Variants in CIMAP1D observed in about 807,000 individuals in gnomAD.
CIMAP1D encodes CIMAP1 family member D, also known as protein CIMAP1D.
chr19:466,184 ATGGGTGG>A, the CIMAP1D span, among the ~76,000 whole-genome samples: 4 of 79,110 alleles, frequency 5.1e-5, no homozygotes, highest in East Asian at 4.6e-4. Context: ...TGGTAGATGG[ATGGGTGG>A]ATAGATGGAT....
the CIMAP1D span, among the ~76,000 whole-genome samples, chr19:480,680 G>A: frequency 1.3e-5 from 2 of 150,534 alleles, no homozygotes; most frequent in Non-Finnish European, 3.0e-5. Context: ...AAGGATGATG[G>A]AGAACGATGA....
the CIMAP1D span, among the ~76,000 whole-genome samples, chr19:481,279 T>TATGATGGGAAGG: frequency 2.0e-3 from 134 of 66,332 alleles, 2 homozygotes; most frequent in African/African-American, 8.0e-3. Flanking sequence ...GATGGGAAAG[T>TATGATGGGAAGG]ATGATGGGAA....
chr19:488,031 C>T, the CIMAP1D span, among the ~76,000 whole-genome samples: 15 of 152,102 alleles, frequency 9.9e-5, no homozygotes, highest in Non-Finnish European at 1.6e-4. Context: ...CTTGTTCAAT[C>T]GATCACGACC....
At chr19:464,139 G>C in the CIMAP1D span, 4 of 464,782 alleles carry the variant, frequency 8.6e-6, no homozygotes, top group Non-Finnish European at 1.2e-5. Context: ...CGGGGGGCGG[G>C]CGGGGGGGGT....
chr19:474,986 C>T, the CIMAP1D span: 9 of 402,868 alleles, frequency 2.2e-5, no homozygotes, highest in African/African-American at 1.0e-4. Flanking sequence ...GATCGAGTGT[C>T]GGCCAGGCGG....
chr19:488,294 G>C, the CIMAP1D span, among the ~76,000 whole-genome samples: 2 of 151,678 alleles, frequency 1.3e-5, no homozygotes, highest in South Asian at 4.2e-4. Flanking sequence ...AGGCTGAGGC[G>C]GGCAGATCAC....
chr19:480,172 G>A, the CIMAP1D span, among the ~76,000 whole-genome samples: 1 of 152,368 alleles, frequency 6.6e-6, no homozygotes, highest in African/African-American at 2.4e-5. Flanking sequence ...CAGAGGCCCT[G>A]GGGCAGGACC....
chr19:485,204 T>TAC, the CIMAP1D span, among the ~76,000 whole-genome samples: 58 of 151,398 alleles, frequency 3.8e-4, no homozygotes, highest in East Asian at 2.1e-3. Context: ...GTAACACACG[T>TAC]ACACACACAC....
the CIMAP1D span, chr19:464,148 G>GGGGGGGGGGGA: frequency 5.0e-6 from 3 of 599,648 alleles, no homozygotes; most frequent in African/African-American, 5.6e-5. Context: ...GGCGGGGGGG[G>GGGGGGGGGGGA]TGCGGCCCAC....
the CIMAP1D span, among the ~76,000 whole-genome samples, chr19:491,473 G>A: frequency 1.3e-5 from 2 of 152,090 alleles, no homozygotes; most frequent in Non-Finnish European, 2.9e-5. Flanking sequence ...TCCTGGCTGG[G>A]CCCCCGTCTT....
chr19:474,901 C>T, the CIMAP1D span: 1 of 605,590 alleles, frequency 1.7e-6, no homozygotes, highest in Non-Finnish European at 2.5e-6. Context: ...GGCCTCTTGT[C>T]CCGCAGCAGG....
the CIMAP1D span, chr19:474,891 G>C: frequency 2.1e-5 from 14 of 662,692 alleles, no homozygotes; most frequent in African/African-American, 2.6e-4. Context: ...CCGCACAGAC[G>C]GCCTCTTGTC....
At chr19:469,199 G>A in the CIMAP1D span, among the ~76,000 whole-genome samples, 8 of 151,550 alleles carry the variant, frequency 5.3e-5, no homozygotes, top group African/African-American at 1.9e-4. Flanking sequence ...CAGTCCCCCA[G>A]GACTGGAAGA....
chr19:477,411 T>G, the CIMAP1D span, among the ~76,000 whole-genome samples: 2 of 151,942 alleles, frequency 1.3e-5, no homozygotes, highest in Non-Finnish European at 2.9e-5. Context: ...CCGTCTCTAT[T>G]AAAAATAAAA....
At chr19:491,451 G>C in the CIMAP1D span, among the ~76,000 whole-genome samples, 2 of 152,160 alleles carry the variant, frequency 1.3e-5, no homozygotes, top group African/African-American at 4.8e-5. Flanking sequence ...CCTCGGGAGA[G>C]GCCTGTGCGG....
the CIMAP1D span, among the ~76,000 whole-genome samples, chr19:476,535 T>C: frequency 3.3e-5 from 5 of 152,146 alleles, no homozygotes; most frequent in African/African-American, 1.2e-4. Context: ...TCACATACCA[T>C]ACAATTATAC....
chr19:487,914 T>C, the CIMAP1D span, among the ~76,000 whole-genome samples: 5 of 152,312 alleles, frequency 3.3e-5, no homozygotes, highest in East Asian at 7.7e-4. Flanking sequence ...TGGGTTACGT[T>C]ATCTATAGAT....
the CIMAP1D span, chr19:474,590 G>C: frequency 3.4e-6 from 5 of 1,483,284 alleles, no homozygotes; most frequent in African/African-American, 4.3e-5. Context: ...GCAGGAAAAG[G>C]TCCCACCCAT....
At chr19:488,435 T>C in the CIMAP1D span, among the ~76,000 whole-genome samples, 1 of 152,178 alleles carries the variant, frequency 6.6e-6, no homozygotes. Context: ...GGCAGGAGAA[T>C]GGCGTGAACC....
Sources: allele counts gnomAD v4.1 joint callset (sites outside exome capture counted in the v4.1 genomes callset), GRCh38; gene constraint gnomAD v4.1.1; transcripts MANE v1.5; gene names NCBI Gene and HGNC (gene_info 2026-07-23, HGNC 2026-07-21).